Variants in SMYD3 observed in about 807,000 individuals in gnomAD.
The protein encoded by SMYD3 is histone-lysine N-methyltransferase SMYD3.
Under a neutral mutation model 57.7 loss-of-function variants are expected in SMYD3, and 36 were observed. The observed-to-expected ratio is 0.62, with a 90% CI of 0.48 to 0.82. The LOEUF (loss-of-function observed/expected upper bound fraction) is 0.82. SMYD3 is among the 40% of genes least tolerant of loss of function. SMYD3 has a pLI of 0.00. For synonymous variants in SMYD3, 211 were observed against 195.0 expected, an observed-to-expected ratio of 1.08 and a Z score of -0.68; for missense variants, 515 against 538.8, an observed-to-expected ratio of 0.96 and a Z score of 0.44.
intron 1 of SMYD3, among the ~76,000 whole-genome samples, chr1:246,386,286 C>A (rs2066479541): frequency 6.6e-6 from 1 of 152,134 alleles, no homozygotes. Flanking sequence ...AATGCGTACT[C>A]TAGGAAACTG....
In SMYD3 at chr1:245,958,626, AC is replaced by A. The variant is rs149901924; in HGVS notation, c.532-28690del. Among the ~76,000 whole-genome samples, 955 of 152,208 alleles carry A rather than the reference AC, an allele frequency of 6.3e-3. 17 individuals are homozygous for A. The highest frequency in any genetic ancestry group is 0.022 in the African/African-American group (894 of 41,530). Reference sequence around the variant, plus strand: ...GTACATACCCCTAACAATACCACTTACCCCACTGAACCATCATTGCTGATTT... The same window carrying A: ...GTACATACCCCTAACAATACCACTTACCCACTGAACCATCATTGCTGATTT... On this transcript the variant is annotated intron_variant, in intron 5 of 11. Coordinates refer to ENST00000490107, the MANE Select transcript of SMYD3 (RefSeq NM_001167740.2).
At chr1:246,263,358 T>A (rs1490711531) in intron 5 of SMYD3, among the ~76,000 whole-genome samples, 2 of 134,338 alleles carry the variant, frequency 1.5e-5, no homozygotes, top group Non-Finnish European at 3.2e-5. Flanking sequence ...CCTGGGCACA[T>A]ACCCAGGTCA....
At chr1:246,334,092 G>A (rs1462442610) in intron 3 of SMYD3, among the ~76,000 whole-genome samples, 1 of 152,076 alleles carries the variant, frequency 6.6e-6, no homozygotes, top group African/African-American at 2.4e-5. Context: ...TGAGGCTGCA[G>A]AGAAAAGGGA....
intron 1 of SMYD3, among the ~76,000 whole-genome samples, chr1:246,480,443 G>A (rs2068085469): frequency 6.6e-6 from 1 of 152,180 alleles, no homozygotes; most frequent in Non-Finnish European, 1.5e-5. Context: ...GCACTCTCAT[G>A]TACTCATCAA....
intron 5 of SMYD3, among the ~76,000 whole-genome samples, chr1:246,067,535 A>G (rs1244434542): frequency 1.3e-5 from 2 of 152,110 alleles, no homozygotes; most frequent in Non-Finnish European, 2.9e-5. Context: ...TTGAAAATCT[A>G]AATCTTCAGG....
intron 11 of SMYD3, among the ~76,000 whole-genome samples, chr1:245,763,539 AC>A (rs1484924935): frequency 6.6e-6 from 1 of 152,168 alleles, no homozygotes; most frequent in Non-Finnish European, 1.5e-5. Flanking sequence ...GTTCAGGGTC[AC>A]AGTGGGTCCT....
At chr1:245,802,692 G>A (rs1250436830) in intron 10 of SMYD3, among the ~76,000 whole-genome samples, 3 of 152,112 alleles carry the variant, frequency 2.0e-5, no homozygotes, top group African/African-American at 4.8e-5. Flanking sequence ...GCCTGTTGGT[G>A]GCCTAAAATT....
At chr1:246,306,344 C>T (rs916883977) in intron 5 of SMYD3, among the ~76,000 whole-genome samples, 2 of 151,706 alleles carry the variant, frequency 1.3e-5, no homozygotes, top group African/African-American at 4.8e-5. Context: ...AAGACTCCGT[C>T]TCAAAAAAAA....
chr1:246,330,618 T>C (rs1024843407), intron 3 of SMYD3, 81 bp from the exon 4 acceptor site: 2 of 1,195,190 alleles, frequency 1.7e-6, no homozygotes, highest in African/African-American at 1.5e-5. Context: ...TACCTTTGTA[T>C]ATTTAAATGA....
intron 5 of SMYD3, chr1:245,955,911 G>T: frequency 1.1e-5 from 11 of 968,354 alleles, no homozygotes; most frequent in East Asian, 1.2e-4. Context: ...TATATCCTAA[G>T]ATTCATTTAT....
intron 5 of SMYD3, among the ~76,000 whole-genome samples, chr1:245,982,272 C>A (rs1170406924): frequency 6.6e-6 from 1 of 152,112 alleles, no homozygotes. Context: ...GTAACTGGGA[C>A]CAGCATGAGC....
intron 5 of SMYD3, among the ~76,000 whole-genome samples, chr1:245,997,683 A>G (rs1009864140): frequency 1.3e-5 from 2 of 152,136 alleles, no homozygotes; most frequent in African/African-American, 4.8e-5. Context: ...TGCACCCACC[A>G]TCGTGATTCC....
chr1:245,952,709 C>A (rs2057699428), intron 5 of SMYD3, among the ~76,000 whole-genome samples: 1 of 152,158 alleles, frequency 6.6e-6, no homozygotes, highest in African/African-American at 2.4e-5. Context: ...CACTGAAAGT[C>A]AACATAATAT....
chr1:245,960,185 A>G, intron 5 of SMYD3, among the ~76,000 whole-genome samples: 1 of 152,228 alleles, frequency 6.6e-6, no homozygotes, highest in Non-Finnish European at 1.5e-5. Flanking sequence ...AGATACTTAG[A>G]ATTCACTGAG....
chr1:245,909,691 A>G (rs1208997766), intron 8 of SMYD3, among the ~76,000 whole-genome samples: 1 of 152,188 alleles, frequency 6.6e-6, no homozygotes, highest in Non-Finnish European at 1.5e-5. Context: ...ACATCACATT[A>G]ACAGAATCAA....
At chr1:246,309,835 A>T (rs2065045534) in intron 5 of SMYD3, among the ~76,000 whole-genome samples, 1 of 152,210 alleles carries the variant, frequency 6.6e-6, no homozygotes, top group Non-Finnish European at 1.5e-5. Flanking sequence ...GAATCTGGTG[A>T]ACTCCATTTA....
intron 10 of SMYD3, among the ~76,000 whole-genome samples, chr1:245,817,289 T>C (rs908364431): frequency 1.5e-5 from 2 of 136,702 alleles, no homozygotes; most frequent in East Asian, 4.1e-4. Flanking sequence ...AGGGGCACAC[T>C]GACACCTCAC....
intron 1 of SMYD3, among the ~76,000 whole-genome samples, chr1:246,373,349 T>C (rs2066220669): frequency 1.3e-5 from 2 of 152,228 alleles, no homozygotes; most frequent in African/African-American, 2.4e-5. Flanking sequence ...CAGATAGGTA[T>C]GTCAGCTTTA....
chr1:245,977,114 G>T lies in SMYD3; in HGVS notation c.532-47177C>A, dbSNP rs116160711. ...ACACTCTTAACCTCATCTCATGCTTGACCCCTTGAATCCATTCTCTATATA... is the reference window on the plus strand; with the variant it reads ...ACACTCTTAACCTCATCTCATGCTTTACCCCTTGAATCCATTCTCTATATA... On this transcript the variant is annotated intron_variant, in intron 5 of 11. Transcript: ENST00000490107. Among the ~76,000 whole-genome samples, 167 of 152,234 alleles carry T rather than the reference G, an allele frequency of 1.1e-3. 1 individual carries two copies. The highest frequency in any genetic ancestry group is 3.8e-3 in the African/African-American group (159 of 41,516).
Sources: allele counts gnomAD v4.1 joint callset (sites outside exome capture counted in the v4.1 genomes callset), GRCh38; gene constraint gnomAD v4.1.1; transcripts MANE v1.5; gene names NCBI Gene and HGNC (gene_info 2026-07-23, HGNC 2026-07-21).